The following ST6GAL2 variants were observed in gnomAD, a reference collection of about 807,000 sequenced individuals.
The protein encoded by ST6GAL2 is beta-galactoside alpha-2,6-sialyltransferase 2.
Under a neutral mutation model 37.5 loss-of-function variants are expected in ST6GAL2, and 24 were observed. The observed-to-expected ratio is 0.64, with a 90% CI of 0.46 to 0.90. The LOEUF (loss-of-function observed/expected upper bound fraction) is 0.90. Among genes scored for constraint, ST6GAL2 ranks in the 40% least tolerant of loss-of-function variants. The pLI is 0.00. For missense variants in ST6GAL2, 715 were observed against 712.7 expected, an observed-to-expected ratio of 1.00 and a Z score of -0.04; for synonymous variants, 306 against 295.1, an observed-to-expected ratio of 1.04 and a Z score of -0.38.
chr2:106,839,128 G>T (rs760665450), intron 2 of ST6GAL2, among the ~76,000 whole-genome samples: 7 of 152,150 alleles, frequency 4.6e-5, no homozygotes, highest in Non-Finnish European at 8.8e-5. Context: ...TTTCAATTAA[G>T]TGAAGTCTAA....
chr2:106,848,678 A>G (rs1677240331), intron 1 of ST6GAL2, among the ~76,000 whole-genome samples: 1 of 152,210 alleles, frequency 6.6e-6, no homozygotes, highest in South Asian at 2.1e-4. Context: ...TTGAGCTGAG[A>G]AAGTGAACTT....
At chr2:106,863,176 C>T (rs1334081396) in intron 1 of ST6GAL2, among the ~76,000 whole-genome samples, 1 of 152,120 alleles carries the variant, frequency 6.6e-6, no homozygotes, top group East Asian at 1.9e-4. Flanking sequence ...ACAAAGCTAG[C>T]TGGAGGCAGA....
intron 5 of ST6GAL2, 70 bp from the exon 6 acceptor site, chr2:106,807,019 G>A: frequency 1.5e-6 from 2 of 1,373,838 alleles, no homozygotes; most frequent in Admixed American, 2.1e-5. Flanking sequence ...TTTTGGGGGA[G>A]GGGTGGTGGT....
At chr2:106,881,162 A>T (rs548962846) in intron 1 of ST6GAL2, among the ~76,000 whole-genome samples, 3 of 151,958 alleles carry the variant, frequency 2.0e-5, no homozygotes, top group East Asian at 3.9e-4. Flanking sequence ...ATTTTTGAAA[A>T]TTTTTTTGTA....
chr2:106,841,471 T>C (rs1573253673), intron 2 of ST6GAL2, among the ~76,000 whole-genome samples: 1 of 152,324 alleles, frequency 6.6e-6, no homozygotes, highest in East Asian at 1.9e-4. Context: ...CACATTTGTT[T>C]TACTGCTCCT....
intron 1 of ST6GAL2, among the ~76,000 whole-genome samples, chr2:106,864,049 T>G (rs1255563069): frequency 6.6e-6 from 1 of 152,210 alleles, no homozygotes; most frequent in East Asian, 1.9e-4. Context: ...TCCCTAGGAC[T>G]GCACTAGAAG....
chr2:106,869,681 T>G (rs997528817), intron 1 of ST6GAL2, among the ~76,000 whole-genome samples: 2 of 152,152 alleles, frequency 1.3e-5, no homozygotes, highest in Admixed American at 6.5e-5. Flanking sequence ...GTTTGTTTGT[T>G]TTTAAGCTCT....
intron 2 of ST6GAL2, among the ~76,000 whole-genome samples, chr2:106,841,927 G>C (rs1175527534): frequency 6.6e-6 from 1 of 152,234 alleles, no homozygotes; most frequent in Admixed American, 6.5e-5. Context: ...GTGCCCAGCT[G>C]GTTGGTCAAA....
intron 5 of ST6GAL2, among the ~76,000 whole-genome samples, chr2:106,817,292 G>A (rs182172535): frequency 5.9e-4 from 90 of 152,350 alleles, no homozygotes; most frequent in African/African-American, 2.0e-3. Flanking sequence ...AGCACAGGCT[G>A]CACCTCTGGA....
chr2:106,822,945 G>C (rs1676059796), intron 5 of ST6GAL2: 1 of 152,086 alleles, frequency 6.6e-6, no homozygotes, highest in South Asian at 2.1e-4. Flanking sequence ...TTCATTTATT[G>C]TAAGGAAAAC....
rs1163408563 is a variant in ST6GAL2, at chr2:106,803,624, C to T, written c.*3054G>A. On this transcript the variant is annotated 3_prime_UTR_variant, in exon 6 of 6. Transcript: ENST00000409382. ...ATTTGTTTCTTTGTAACAACAACAA[C>T]AACAACAACAACAACAACAACAACA... 4.0e-5 allele frequency: 6 copies of T among 149,502 alleles called. No homozygotes were observed. The highest frequency in any genetic ancestry group is 1.5e-4 in the African/African-American group (6 of 40,692). The allele number at this position is 149,502 out of a possible 1,614,324, so 9.3% of individuals were successfully genotyped here. A position where few individuals can be genotyped will look rare whatever the true frequency, so the allele number is the denominator to read the frequency against.
intron 5 of ST6GAL2, among the ~76,000 whole-genome samples, chr2:106,817,830 A>G (rs945465486): frequency 1.3e-5 from 2 of 152,168 alleles, no homozygotes; most frequent in Non-Finnish European, 2.9e-5. Flanking sequence ...CCTGGGCCAG[A>G]GGGGAGCCCC....
intron 2 of ST6GAL2, among the ~76,000 whole-genome samples, chr2:106,842,236 T>C (rs947528782): frequency 6.6e-6 from 1 of 152,194 alleles, no homozygotes; most frequent in Non-Finnish European, 1.5e-5. Flanking sequence ...TATAGACACA[T>C]ATCCTCCTGG....
chr2:106,836,394 G>A (rs1486496551), intron 2 of ST6GAL2, among the ~76,000 whole-genome samples: 1 of 152,126 alleles, frequency 6.6e-6, no homozygotes. Context: ...ACGAGGGCTA[G>A]TTTCTTAGGG....
intron 1 of ST6GAL2, among the ~76,000 whole-genome samples, chr2:106,856,469 C>T (rs563437827): frequency 6.6e-6 from 1 of 152,328 alleles, no homozygotes; most frequent in African/African-American, 2.4e-5. Context: ...GGAGGATTGG[C>T]TACCCAAATT....
At chr2:106,881,314 C>T (rs1313637531) in intron 1 of ST6GAL2, among the ~76,000 whole-genome samples, 1 of 152,148 alleles carries the variant, frequency 6.6e-6, no homozygotes, top group Non-Finnish European at 1.5e-5. Flanking sequence ...TATAGTTTCC[C>T]TAATTTTAAA....
chr2:106,858,234 T>C (rs1162149637), intron 1 of ST6GAL2, among the ~76,000 whole-genome samples: 4 of 152,224 alleles, frequency 2.6e-5, no homozygotes, highest in Admixed American at 2.0e-4. Flanking sequence ...TTTGCAGACA[T>C]TGGAGCACCT....
intron 2 of ST6GAL2, among the ~76,000 whole-genome samples, chr2:106,842,826 G>A (rs1318264397): frequency 1.3e-5 from 2 of 152,132 alleles, no homozygotes; most frequent in South Asian, 2.1e-4. Context: ...AGAGTCTCCC[G>A]AAGAGTACTT....
intron 1 of ST6GAL2, among the ~76,000 whole-genome samples, chr2:106,877,921 G>A (rs1678574916): frequency 6.6e-6 from 1 of 152,212 alleles, no homozygotes; most frequent in Non-Finnish European, 1.5e-5. Context: ...AGGTCCTACT[G>A]TCTGGGTTGA....
Sources: allele counts gnomAD v4.1 joint callset (sites outside exome capture counted in the v4.1 genomes callset), GRCh38; gene constraint gnomAD v4.1.1; transcripts MANE v1.5; gene names NCBI Gene and HGNC (gene_info 2026-07-23, HGNC 2026-07-21).